Variants in PCNX3 observed in about 807,000 individuals in gnomAD.
The protein encoded by PCNX3 is pecanex 3.
Under a neutral mutation model 207.2 loss-of-function variants are expected in PCNX3, and 58 were observed. The ratio of observed to expected loss-of-function variants is 0.28; its 90% CI spans 0.23 to 0.35. PCNX3 has a LOEUF of 0.35. Among genes scored for constraint, PCNX3 ranks in the 10% least tolerant of loss-of-function variants. The pLI is 1.00. For missense variants in PCNX3, 2,410 were observed against 2,774.4 expected (o/e 0.87, Z 2.95); for synonymous variants, 1,337 against 1,183.5 (o/e 1.13, Z -2.66).
intron 26 of PCNX3, 108 bp from the exon 27 acceptor site, chr11:65,630,243 A>C: frequency 3.5e-6 from 5 of 1,449,014 alleles, no homozygotes; most frequent in Non-Finnish European, 4.6e-6. Flanking sequence ...CCTGGCGTCC[A>C]AGGGGGTGAA....
At position 65,618,001 on chromosome 11, in the gene PCNX3, C is replaced by T. The variant is rs763570163; in HGVS notation, c.639C>T (p.Asp213=). ...AVPDPSLAST[D]SSEPSPLAGD... ...CAGACCCCTCTCTTGCCAGTACAGACTCTTCAGAGCCTTCTCCCCTGGCTG... is the reference window on the plus strand; with the variant it reads ...CAGACCCCTCTCTTGCCAGTACAGATTCTTCAGAGCCTTCTCCCCTGGCTG... The change falls in exon 6 of 35, where the codon GAC becomes GAT. Residue 213 remains aspartate, a synonymous_variant. Transcript: ENST00000355703. 20 of 1,611,236 alleles carry T rather than the reference C, an allele frequency of 1.2e-5. No homozygotes were observed. Among genetic ancestry groups the T allele is most frequent in the Non-Finnish European group, 1.6e-5 (19 of 1,179,196 alleles).
In PCNX3 at chr11:65,625,618, G is replaced by T; in HGVS notation, c.3136-34G>T. On this transcript the variant is annotated intron_variant, in intron 18 of 34. Coordinates refer to ENST00000355703, the MANE Select transcript of PCNX3 (RefSeq NM_032223.4). The surrounding 1 kb of genome is among the most constrained non-coding windows in gnomAD (Gnocchi z 5.6). ...GCTGGGCAGCTGAGTGTCTCTCCTG[G>T]CCGGGCAGCTGAATGTCTCTCCTGG... The T allele has an allele frequency of 6.2e-7, 1 of 1,600,822 alleles. No homozygotes were observed.
Position 65,618,946 on chromosome 11 carries a change from G to T in PCNX3, c.1584G>T (p.Gln528His). 1 of 1,605,632 alleles carries T rather than the reference G, an allele frequency of 6.2e-7. No individual in the cohort carries two copies. Residue 528 changes from glutamine to histidine, a missense_variant, in exon 6 of 35, where the codon CAG (glutamine) becomes CAT (histidine). Around this residue, in one of 8 missense-constraint regions of PCNX3, gnomAD observed 1,104 missense variants for 970.3 expected, o/e 1.14. Coordinates refer to ENST00000355703, the MANE Select transcript of PCNX3 (RefSeq NM_032223.4). The stretch of plus-strand genomic sequence containing the variant: ...GCTGCAAGGCAGAGCTGGAGGCCCA[G>T]GTTGGGGTGGAGCAGGCTGCTAGTG... ...LAGCKAELEA[Q>H]VGVEQAASEP... is the part of the protein sequence containing the mutation.
In PCNX3 at chr11:65,636,819, C is replaced by T; in HGVS notation, c.5946C>T (p.Ser1982=). ...GCCTCAGCCTCAGCCCCGATGTCAGCACTGAGGCCTCACCCCCCAGAGCTT... is the reference window on the plus strand; with the variant it reads ...GCCTCAGCCTCAGCCCCGATGTCAGTACTGAGGCCTCACCCCCCAGAGCTT... The part of the protein sequence containing the change: ...SLSLSLSPDV[S]TEASPPRASQ... The change falls in exon 35 of 35, where the codon AGC becomes AGT. Residue 1982 remains serine, a synonymous_variant. Transcript: ENST00000355703. 1 of 1,550,550 alleles carries T rather than the reference C, an allele frequency of 6.4e-7. No homozygotes were observed. Among genetic ancestry groups the T allele is most frequent in the Non-Finnish European group, 8.7e-7 (1 of 1,146,930 alleles).
At chr11:65,617,400 C>T (rs973451063) in intron 3 of PCNX3, 51 bp downstream of exon 3, 4 of 1,613,306 alleles carry the variant, frequency 2.5e-6, no homozygotes, top group Non-Finnish European at 3.4e-6. Flanking sequence ...GCGAGCCAGT[C>T]CCTACTGTGG....
chr11:65,626,728 G>A (rs1855408883), intron 20 of PCNX3, 176 bp from the exon 21 acceptor site: 2 of 806,422 alleles, frequency 2.5e-6, no homozygotes, highest in East Asian at 5.4e-5. Context: ...TAAGTGCCAT[G>A]TGGAGCCCTT....
At chr11:65,623,309 G>T (rs139459916) in intron 11 of PCNX3, among the ~76,000 whole-genome samples, 182 bp from the exon 12 acceptor site, 3 of 152,366 alleles carry the variant, frequency 2.0e-5, no homozygotes, top group African/African-American at 2.4e-5. Context: ...TACAATGGTC[G>T]CTGGAGCAGG....
Position 65,636,608 on chromosome 11 carries a change from C to A in PCNX3, c.5811C>A (p.Ser1937Arg), listed in dbSNP as rs768621709. 4.9e-5 allele frequency: 78 copies of A among 1,585,838 alleles called. No individual in the cohort carries two copies. The highest frequency in any genetic ancestry group is 3.2e-5 in the Non-Finnish European group (37 of 1,168,518). The change falls in exon 34 of 35, where the codon AGC becomes AGA. Residue 1937 changes from serine to arginine, a missense_variant. Physicochemically the swap from Ser to Arg is moderately radical, Grantham distance 110 (BLOSUM62 -1). Transcript: ENST00000355703. ...CTGAGGGCCCCAGTGGAAAGTGGAG[C>A]CTGGGGGGCCGGAAGGGGCTGGGAG... ...LSSEGPSGKWSLGGRKGLGGS... is the reference protein window; with the variant it reads ...LSSEGPSGKWRLGGRKGLGGS...
At chr11:65,627,681 C>A in intron 22 of PCNX3, 99 bp downstream of exon 22, 1 of 1,427,946 alleles carries the variant, frequency 7.0e-7, no homozygotes, top group Middle Eastern at 1.8e-4. Context: ...CCTGTGGCCA[C>A]CGCTCTGTAT....
In PCNX3 at chr11:65,635,200, TC is replaced by T. The variant is rs761431115; in HGVS notation, c.4954-15del. 1.9e-6 allele frequency: 3 copies of T among 1,591,790 alleles called. No homozygotes were observed. The highest frequency in any genetic ancestry group is 2.3e-5 in the South Asian group (2 of 88,766). On this transcript the variant is annotated splice_polypyrimidine_tract_variant and intron_variant, in intron 30 of 34. Coordinates refer to ENST00000355703, the MANE Select transcript of PCNX3 (RefSeq NM_032223.4). The surrounding 1 kb of genome is among the most constrained non-coding windows in gnomAD (Gnocchi z 9.9). ...CAGGGCAGGGGCCACTGACCCCTGT[TC>T]CCGTCTTCTCTACCAGGACCACTTC... is the stretch of plus-strand genomic sequence containing the variant.
In PCNX3 at chr11:65,628,553, G is replaced by T. The variant is rs376454145; in HGVS notation, c.3703-42G>T. 5.0e-6 allele frequency: 8 copies of T among 1,584,718 alleles called. No individual in the cohort carries two copies. In the African/African-American group the frequency reaches 1.1e-4, roughly 21 times the overall value. ...CTGGCATCCGGGGGCTTCCATGAGT[G>T]ACCCTGCATGTCTTTTTTCTTCTCC... is the stretch of plus-strand genomic sequence containing the variant. On this transcript the variant is annotated intron_variant, in intron 22 of 34. Coordinates refer to ENST00000355703, the MANE Select transcript of PCNX3 (RefSeq NM_032223.4).
In PCNX3 at chr11:65,617,941, T is replaced by G; in HGVS notation, c.579T>G (p.Ile193Met). The change falls in exon 6 of 35, where the codon ATT becomes ATG. Residue 193 changes from isoleucine (I) to methionine (M), a missense_variant and splice_region_variant. Coordinates refer to ENST00000355703, the MANE Select transcript of PCNX3 (RefSeq NM_032223.4). The part of the protein sequence containing the change: ...MLKLSSQEKL[I>M]GDLPQTPPGA... The stretch of plus-strand genomic sequence containing the variant: ...TTCTGTTTCCCTTTATTTTGGCAGT[T>G]GGAGACCTTCCCCAGACGCCTCCAG... The G allele has an allele frequency of 6.4e-7, 1 of 1,573,464 alleles. No individual in the cohort carries two copies. Among genetic ancestry groups the G allele is most frequent in the Non-Finnish European group, 8.6e-7 (1 of 1,162,206 alleles).
Position 65,634,602 on chromosome 11 carries a change from G to A in PCNX3, c.4766G>A (p.Arg1589His), listed in dbSNP as rs1214243260. The A allele has an allele frequency of 1.9e-6, 3 of 1,603,400 alleles. No individual in the cohort carries two copies. The highest frequency in any genetic ancestry group is 2.2e-5 in the East Asian group (1 of 44,822). Reference protein sequence around the residue: ...TLCFGLCVLGRRALGTASHSM... With the variant: ...TLCFGLCVLGHRALGTASHSM... ...TGTTTTGGCCTGTGTGTGCTGGGCCGCCGGGCCCTGGGGACAGCCTCTCAC... is the reference window on the plus strand; with the variant it reads ...TGTTTTGGCCTGTGTGTGCTGGGCCACCGGGCCCTGGGGACAGCCTCTCAC... Residue 1589 changes from arginine (R) to histidine (H), a missense_variant, in exon 29 of 35, where the codon CGC becomes CAC. By Grantham distance (29) the Arg-to-His change is conservative. Around this residue, in one of 8 missense-constraint regions of PCNX3, gnomAD observed 420 missense variants for 705.3 expected, o/e 0.60. Transcript: ENST00000355703.
At chr11:65,631,150 G>A (rs1025616528) in intron 27 of PCNX3, among the ~76,000 whole-genome samples, 3 of 152,066 alleles carry the variant, frequency 2.0e-5, no homozygotes, top group African/African-American at 7.3e-5. Flanking sequence ...CTGGCCCTGA[G>A]CCACAGAGCT....
rs182150208 is a variant in PCNX3, at chr11:65,619,832, C to T, written c.1908C>T (p.Ala636=). The T allele has an allele frequency of 3.2e-5, 52 of 1,606,502 alleles. No individual in the cohort carries two copies. The highest frequency in any genetic ancestry group is 6.6e-5 in the South Asian group (6 of 90,468). ...ALTLPSALHF[A]SSLLLTRAGA... Reference sequence around the variant, plus strand: ...CGCTGCCCTCTGCGCTGCATTTCGCCTCTTCACTGTTGCTCACCCGGGCCG... The same window carrying T: ...CGCTGCCCTCTGCGCTGCATTTCGCTTCTTCACTGTTGCTCACCCGGGCCG... The change falls in exon 8 of 35, where the codon GCC becomes GCT. Residue 636 remains alanine (A), a synonymous_variant. Coordinates refer to ENST00000355703, the MANE Select transcript of PCNX3 (RefSeq NM_032223.4).
chr11:65,631,405 C>CCAG (rs1166430011), intron 27 of PCNX3, among the ~76,000 whole-genome samples: 2 of 152,160 alleles, frequency 1.3e-5, no homozygotes, highest in Non-Finnish European at 2.9e-5. Flanking sequence ...GCCTGTAATC[C>CCAG]CAGCACTTTG....
intron 11 of PCNX3, among the ~76,000 whole-genome samples, chr11:65,622,770 AT>A (rs761301416): frequency 2.9e-3 from 411 of 139,642 alleles, no homozygotes; most frequent in Admixed American, 2.6e-3. Flanking sequence ...TAATTTTTGT[AT>A]TTTTTTTTTT....
At chr11:65,632,007 G>A (rs1855634570) in intron 27 of PCNX3, among the ~76,000 whole-genome samples, 1 of 152,164 alleles carries the variant, frequency 6.6e-6, no homozygotes, top group Non-Finnish European at 1.5e-5. Flanking sequence ...GTCTAGAGAG[G>A]GACATTCCCA....
In PCNX3 at chr11:65,621,002, G is replaced by A. The variant is rs769515545; in HGVS notation, c.2235+36G>A. 1.3e-5 allele frequency: 20 copies of A among 1,496,708 alleles called. No homozygotes were observed. In the African/African-American group the frequency reaches 2.6e-4, roughly 20 times the overall value. The allele number at this position is 1,496,708 out of a possible 1,614,324, so 92.7% of individuals were successfully genotyped here. A position where few individuals can be genotyped will look rare whatever the true frequency, so the allele number is the denominator to read the frequency against. ...GCCGGGGAAGGGCCGTGCCAGTGGGGCGTGACGGGGCGGGCAGATCACTGA... is the reference window on the plus strand; with the variant it reads ...GCCGGGGAAGGGCCGTGCCAGTGGGACGTGACGGGGCGGGCAGATCACTGA... On this transcript the variant is annotated intron_variant, in intron 10 of 34. Coordinates refer to ENST00000355703, the MANE Select transcript of PCNX3 (RefSeq NM_032223.4).
Sources: gnomAD v4.1 joint callset for allele counts (sites outside exome capture counted in the v4.1 genomes callset) on GRCh38, gnomAD v4.1.1 for gene constraint, gnomAD v4.1.1 regional missense constraint, Gnocchi (gnomAD v3.1) non-coding constraint, MANE v1.5 for transcripts, NCBI Gene and HGNC (gene_info 2026-07-23, HGNC 2026-07-21) for gene names.